PPARGC1A: variants seen among roughly 807,000 people sequenced by gnomAD.
The protein encoded by PPARGC1A is PPARG coactivator 1 alpha.
In PPARGC1A, 25 loss-of-function variants were observed where a neutral mutation model predicts 88.7. That is an observed-to-expected ratio of 0.28 (90% CI 0.21 to 0.39). The LOEUF (loss-of-function observed/expected upper bound fraction) is 0.39. Ranked by LOEUF, PPARGC1A falls within the 10% of genes least tolerant of loss-of-function variation. The pLI is 1.00. For missense variants in PPARGC1A, 880 were observed against 968.7 expected (o/e 0.91, Z 1.22); for synonymous variants, 363 against 355.6 (o/e 1.02, Z -0.24).
chr4:24,326,762 A>C, the PPARGC1A span, among the ~76,000 whole-genome samples: 4 of 152,172 alleles, frequency 2.6e-5, no homozygotes, highest in Non-Finnish European at 5.9e-5. Context: ...TGCGGTCAGA[A>C]TTCTTACACA....
the PPARGC1A span, among the ~76,000 whole-genome samples, chr4:24,121,370 C>G: frequency 3.9e-5 from 6 of 152,204 alleles, no homozygotes; most frequent in South Asian, 1.2e-3. Context: ...TCTCAGGGGT[C>G]ACGCTCACTA....
chr4:23,863,860 C>T (rs1379488475), intron 2 of PPARGC1A, among the ~76,000 whole-genome samples: 1 of 152,184 alleles, frequency 6.6e-6, no homozygotes, highest in African/African-American at 2.4e-5. Flanking sequence ...GATTCTCCTG[C>T]CTCAGCTTTC....
the PPARGC1A span, among the ~76,000 whole-genome samples, chr4:24,057,689 C>T: frequency 6.6e-6 from 1 of 152,092 alleles, no homozygotes; most frequent in Non-Finnish European, 1.5e-5. Flanking sequence ...AGGCTGGCTT[C>T]CTGAGAGGAA....
intron 7 of PPARGC1A, chr4:23,820,367 T>C (rs1487019815): frequency 6.4e-6 from 1 of 155,576 alleles, no homozygotes; most frequent in Non-Finnish European, 1.4e-5. Flanking sequence ...GTTACAATGT[T>C]TACAGTAATA....
the PPARGC1A span, among the ~76,000 whole-genome samples, chr4:24,240,943 C>T: frequency 2.6e-5 from 4 of 152,156 alleles, no homozygotes; most frequent in Non-Finnish European, 4.4e-5. Flanking sequence ...ACATCCCCCT[C>T]TCATCCAAAG....
At chr4:24,436,252 A>G in the PPARGC1A span, among the ~76,000 whole-genome samples, 1 of 152,224 alleles carries the variant, frequency 6.6e-6, no homozygotes, top group Non-Finnish European at 1.5e-5. Context: ...TAAATTTGAC[A>G]CCAAAAAATT....
the PPARGC1A span, among the ~76,000 whole-genome samples, chr4:23,914,178 T>C: frequency 2.0e-5 from 3 of 152,212 alleles, no homozygotes; most frequent in Admixed American, 2.0e-4. Flanking sequence ...ATATTAATCA[T>C]GGTTAAATTT....
In PPARGC1A at chr4:23,829,474, C is replaced by T; in HGVS notation, c.541G>A (p.Ala181Thr). 6.2e-7 allele frequency: 1 copy of T among 1,612,902 alleles called. No homozygotes were observed. Among genetic ancestry groups the T allele is most frequent in the Non-Finnish European group, 8.5e-7 (1 of 1,179,186 alleles). The change falls in exon 4 of 13, where the codon GCA (alanine) becomes ACA (threonine). Residue 181 changes from alanine (A) to threonine (T), a missense_variant. Physicochemically the swap from Ala to Thr is moderately conservative, Grantham distance 58. Transcript: ENST00000264867. ...ATTTACATTTGTACCTTAACAATTGCAGGGTTTGTTCTGATCCTGTGATTG... is the reference window on the plus strand; with the variant it reads ...ATTTACATTTGTACCTTAACAATTGTAGGGTTTGTTCTGATCCTGTGATTG... ...NHNHRIRTNP[A>T]IVKTENSWSN...
the PPARGC1A span, among the ~76,000 whole-genome samples, chr4:24,459,085 T>C: frequency 6.6e-6 from 1 of 152,204 alleles, no homozygotes; most frequent in African/African-American, 2.4e-5. Context: ...AATATGCTTT[T>C]ATCAGTTTCC....
the PPARGC1A span, among the ~76,000 whole-genome samples, chr4:24,249,302 A>T: frequency 2.6e-5 from 4 of 152,192 alleles, no homozygotes; most frequent in Admixed American, 6.5e-5. Flanking sequence ...GTGACAAGTA[A>T]AAATCATAGA....
chr4:24,220,143 C>T, the PPARGC1A span, among the ~76,000 whole-genome samples: 1 of 152,152 alleles, frequency 6.6e-6, no homozygotes, highest in Non-Finnish European at 1.5e-5. Flanking sequence ...TACTAACCAT[C>T]AGGGAGATGC....
At position 23,793,322 on chromosome 4, in the gene PPARGC1A, T is replaced by C. The variant is rs890038841; in HGVS notation, c.*2500A>G. The C allele has an allele frequency of 6.6e-6, 1 of 152,580 alleles. No homozygotes were observed. Among genetic ancestry groups the C allele is most frequent in the African/African-American group, 2.4e-5 (1 of 41,454 alleles). The allele number at this position is 152,580 out of a possible 1,614,324, so 9.5% of individuals were successfully genotyped here. ...GCGGATTAAAGATGTGTTACTGTTGTAACGCAGAACCTGTGAACAAGTTCT... is the reference window on the plus strand; with the variant it reads ...GCGGATTAAAGATGTGTTACTGTTGCAACGCAGAACCTGTGAACAAGTTCT... On this transcript the variant is annotated 3_prime_UTR_variant, in exon 13 of 13. Coordinates refer to ENST00000264867, the MANE Select transcript of PPARGC1A (RefSeq NM_013261.5).
chr4:24,218,417 C>T, the PPARGC1A span, among the ~76,000 whole-genome samples: 1 of 152,204 alleles, frequency 6.6e-6, no homozygotes, highest in Non-Finnish European at 1.5e-5. Context: ...AGTTTCTTCA[C>T]ATCTTGAAGG....
At chr4:24,285,085 C>T in the PPARGC1A span, among the ~76,000 whole-genome samples, 1 of 152,086 alleles carries the variant, frequency 6.6e-6, no homozygotes, top group African/African-American at 2.4e-5. Context: ...GCAAAGAGGG[C>T]ATGAGCTAGG....
chr4:23,965,108 C>A, the PPARGC1A span, among the ~76,000 whole-genome samples: 5 of 152,282 alleles, frequency 3.3e-5, no homozygotes, highest in Admixed American at 2.6e-4. Context: ...TCCCCCGTAT[C>A]TGACCACTAA....
chr4:24,418,554 G>A, the PPARGC1A span, among the ~76,000 whole-genome samples: 1 of 151,530 alleles, frequency 6.6e-6, no homozygotes, highest in Non-Finnish European at 1.5e-5. Context: ...GACTCTAACA[G>A]ACCTAATTCT....
At chr4:23,940,068 C>T in the PPARGC1A span, among the ~76,000 whole-genome samples, 2 of 152,178 alleles carry the variant, frequency 1.3e-5, no homozygotes, top group African/African-American at 4.8e-5. Context: ...TCTCAAGGCT[C>T]CCCTAATTTA....
the PPARGC1A span, among the ~76,000 whole-genome samples, chr4:24,271,763 C>T: frequency 6.6e-6 from 1 of 152,124 alleles, no homozygotes; most frequent in East Asian, 1.9e-4. Context: ...AAATGGAAAA[C>T]ATAGTAGTAC....
At chr4:24,101,832 A>G in the PPARGC1A span, among the ~76,000 whole-genome samples, 1 of 152,232 alleles carries the variant, frequency 6.6e-6, no homozygotes, top group Non-Finnish European at 1.5e-5. Context: ...AAAAGCACAA[A>G]TTAAATACCT....
Sources: gnomAD v4.1 joint callset for allele counts (sites outside exome capture counted in the v4.1 genomes callset) on GRCh38, gnomAD v4.1.1 for gene constraint, MANE v1.5 for transcripts, NCBI Gene and HGNC (gene_info 2026-07-23, HGNC 2026-07-21) for gene names.